Variants in MDFIC observed in about 807,000 individuals in gnomAD.
MDFIC encodes the protein myoD family inhibitor domain-containing protein.
MDFIC carries 17 observed loss-of-function variants against 23.2 expected under a neutral mutation model. The observed-to-expected ratio is 0.73, with a 90% CI of 0.50 to 1.10. MDFIC has a LOEUF of 1.10. Among genes scored for constraint, MDFIC ranks in the 50% least tolerant of loss-of-function variants. MDFIC has a pLI of 0.00. For synonymous variants in MDFIC, 120 were observed against 115.2 expected (o/e 1.04, Z -0.27); for missense variants, 356 against 316.6 (o/e 1.12, Z -0.95).
chr7:114,942,139 G>C, intron 2 of MDFIC, 136 bp from the exon 3 acceptor site: 2 of 430,936 alleles, frequency 4.6e-6, no homozygotes, highest in Non-Finnish European at 7.9e-6. Flanking sequence ...AAAATAGGCA[G>C]CAGGCAATAG....
chr7:114,969,798 A>C (rs896100057), intron 3 of MDFIC, among the ~76,000 whole-genome samples: 1 of 152,166 alleles, frequency 6.6e-6, no homozygotes, highest in African/African-American at 2.4e-5. Flanking sequence ...TTCTCTCCCT[A>C]ATGAGAAACA....
chr7:115,002,945 T>A (rs1173160590), intron 4 of MDFIC, among the ~76,000 whole-genome samples: 2 of 152,178 alleles, frequency 1.3e-5, no homozygotes, highest in African/African-American at 4.8e-5. Context: ...GTTTTCTCCT[T>A]CTGTTTACAA....
chr7:114,991,782 G>A (rs867089502), intron 4 of MDFIC, among the ~76,000 whole-genome samples: 1 of 152,126 alleles, frequency 6.6e-6, no homozygotes, highest in Non-Finnish European at 1.5e-5. Context: ...CTCAGGTAAC[G>A]TGATGCCTCC....
intron 3 of MDFIC, among the ~76,000 whole-genome samples, chr7:114,976,284 A>G (rs1793307973): frequency 1.3e-5 from 2 of 152,132 alleles, no homozygotes; most frequent in African/African-American, 4.8e-5. Flanking sequence ...TTTCAACTCA[A>G]TCAAGCTCTC....
In MDFIC at chr7:115,015,671, C is replaced by T. The variant is rs778364718; in HGVS notation, c.494-17C>T. 6.2e-7 allele frequency: 1 copy of T among 1,612,718 alleles called. No individual in the cohort carries two copies. The highest frequency in any genetic ancestry group is 8.5e-7 in the Non-Finnish European group (1 of 1,178,914). On this transcript the variant is annotated splice_polypyrimidine_tract_variant and intron_variant, in intron 4 of 4. Transcript: ENST00000393486. ...CCTTTTTCTCACTATATGGTCTCCT[C>T]ATCACTGAAAATGAAGATTGTTGTG...
chr7:114,982,506 A>G (rs986710596), intron 4 of MDFIC, among the ~76,000 whole-genome samples: 1 of 151,906 alleles, frequency 6.6e-6, no homozygotes, highest in Non-Finnish European at 1.5e-5. Context: ...CCTGGGCTAC[A>G]TAGCAAGATC....
At chr7:114,956,202 A>G (rs1370033288) in intron 3 of MDFIC, among the ~76,000 whole-genome samples, 2 of 152,120 alleles carry the variant, frequency 1.3e-5, no homozygotes, top group Non-Finnish European at 2.9e-5. Context: ...TTTTACCACT[A>G]GTATTAATAA....
chr7:114,940,131 T>A (rs1792509274), intron 2 of MDFIC, among the ~76,000 whole-genome samples: 2 of 152,224 alleles, frequency 1.3e-5, no homozygotes, highest in African/African-American at 4.8e-5. Flanking sequence ...GCTGAGTAAA[T>A]GTTACATAAA....
At chr7:114,955,194 C>T (rs543152472) in intron 3 of MDFIC, among the ~76,000 whole-genome samples, 8 of 152,310 alleles carry the variant, frequency 5.3e-5, no homozygotes, top group African/African-American at 1.9e-4. Context: ...CAGCATAATT[C>T]CAGGACCACA....
intron 4 of MDFIC, among the ~76,000 whole-genome samples, chr7:114,991,772 C>G (rs542417974): frequency 3.9e-5 from 6 of 152,188 alleles, no homozygotes; most frequent in African/African-American, 9.6e-5. Context: ...ATAGTTTGAA[C>G]TCAGGTAACG....
At chr7:114,939,688 G>A (rs1447676251) in intron 2 of MDFIC, among the ~76,000 whole-genome samples, 1 of 152,092 alleles carries the variant, frequency 6.6e-6, no homozygotes, top group Non-Finnish European at 1.5e-5. Flanking sequence ...TTTAGCACTC[G>A]AATATTGGAC....
At chr7:114,998,594 C>A (rs1438606859) in intron 4 of MDFIC, among the ~76,000 whole-genome samples, 4 of 152,134 alleles carry the variant, frequency 2.6e-5, no homozygotes, top group Non-Finnish European at 2.9e-5. Context: ...TATTTATATT[C>A]TTTGTCATTA....
At chr7:115,004,988 G>T (rs774622331) in intron 4 of MDFIC, among the ~76,000 whole-genome samples, 11 of 152,142 alleles carry the variant, frequency 7.2e-5, no homozygotes, top group African/African-American at 2.4e-4. Context: ...CTTATATTCC[G>T]CATTAATTAA....
intron 3 of MDFIC, among the ~76,000 whole-genome samples, chr7:114,975,247 G>A (rs574520861): frequency 6.6e-6 from 1 of 152,058 alleles, no homozygotes; most frequent in East Asian, 1.9e-4. Context: ...AAAATGCAGA[G>A]TTTGTAAAAT....
intron 3 of MDFIC, among the ~76,000 whole-genome samples, chr7:114,976,941 A>G (rs1392174653): frequency 6.6e-6 from 1 of 152,158 alleles, no homozygotes; most frequent in Non-Finnish European, 1.5e-5. Flanking sequence ...AACCCCACGT[A>G]TAACTGTTAC....
At chr7:114,992,486 T>C (rs184501673) in intron 4 of MDFIC, among the ~76,000 whole-genome samples, 5 of 152,318 alleles carry the variant, frequency 3.3e-5, no homozygotes, top group Admixed American at 3.3e-4. Flanking sequence ...GGCTGTGGGT[T>C]TGTCATAAAT....
At chr7:114,951,755 G>C (rs1360389150) in intron 3 of MDFIC, among the ~76,000 whole-genome samples, 2 of 151,986 alleles carry the variant, frequency 1.3e-5, no homozygotes, top group Non-Finnish European at 2.9e-5. Context: ...TATCAGGGTG[G>C]GGTACCACCT....
intron 4 of MDFIC, among the ~76,000 whole-genome samples, chr7:114,998,501 A>G (rs998675536): frequency 6.6e-6 from 1 of 152,200 alleles, no homozygotes; most frequent in Non-Finnish European, 1.5e-5. Context: ...ACATGCCTTA[A>G]TTCATGTCCA....
rs7794725 is a variant in MDFIC, at chr7:114,973,399, C to A, written c.218-6107C>A. On this transcript the variant is annotated intron_variant, in intron 3 of 4. Coordinates refer to ENST00000393486, the MANE Select transcript of MDFIC (RefSeq NM_001166345.3). ...CTGGTTTGCTGCCAACTGCAAAAAA[C>A]AAAGTATAGAGAGGGCACACCCGGG... is the stretch of plus-strand genomic sequence containing the variant. Among the ~76,000 whole-genome samples, 623 of 152,178 alleles carry A rather than the reference C, an allele frequency of 4.1e-3. 3 individuals are homozygous for A. Among genetic ancestry groups the A allele is most frequent in the African/African-American group, 0.014 (574 of 41,538 alleles).
Sources: allele counts gnomAD v4.1 joint callset (sites outside exome capture counted in the v4.1 genomes callset), GRCh38; gene constraint gnomAD v4.1.1; transcripts MANE v1.5; gene names NCBI Gene and HGNC (gene_info 2026-07-23, HGNC 2026-07-21).